Variants in DOCK2 observed in about 807,000 individuals in gnomAD.
DOCK2 encodes dedicator of cytokinesis protein 2.
In DOCK2, 87 loss-of-function variants were observed where a neutral mutation model predicts 248.9. That is an observed-to-expected ratio of 0.35 (90% CI 0.29 to 0.42). The LOEUF (loss-of-function observed/expected upper bound fraction) is 0.42. Ranked by LOEUF, DOCK2 falls within the 10% of genes least tolerant of loss-of-function variation. DOCK2 has a pLI of 1.00. For missense variants in DOCK2, 1,747 were observed against 2,300.2 expected (o/e 0.76, Z 4.92); for synonymous variants, 805 against 821.6 (o/e 0.98, Z 0.35).
chr5:169,789,616 A>G (rs1766200789), intron 25 of DOCK2, among the ~76,000 whole-genome samples: 1 of 152,206 alleles, frequency 6.6e-6, no homozygotes, highest in South Asian at 2.1e-4. Flanking sequence ...TTATTGCTGT[A>G]GAGTCCAAGC....
intron 25 of DOCK2, among the ~76,000 whole-genome samples, chr5:169,788,061 T>C (rs567475556): frequency 6.6e-6 from 1 of 152,344 alleles, no homozygotes; most frequent in East Asian, 1.9e-4. Context: ...CATCTCGTTT[T>C]GAGTGTCTTA....
At chr5:170,040,430 A>G (rs886929904) in intron 36 of DOCK2, among the ~76,000 whole-genome samples, 2 of 152,186 alleles carry the variant, frequency 1.3e-5, no homozygotes, top group African/African-American at 4.8e-5. Context: ...AACTCTTCCT[A>G]CTGACAGCTC....
intron 22 of DOCK2, among the ~76,000 whole-genome samples, chr5:169,729,405 T>C (rs1308542900): frequency 1.3e-5 from 2 of 152,148 alleles, no homozygotes. Context: ...GGAAGGAAGA[T>C]TGAAAAGGAC....
chr5:169,661,064 T>C (rs1758421907), intron 2 of DOCK2, among the ~76,000 whole-genome samples: 2 of 152,222 alleles, frequency 1.3e-5, no homozygotes, highest in Non-Finnish European at 2.9e-5. Context: ...TTTTAATTGA[T>C]TTTTTTAGAA....
intron 42 of DOCK2, 169 bp from the exon 43 acceptor site, chr5:170,056,515 G>A: frequency 3.6e-6 from 2 of 551,066 alleles, no homozygotes; most frequent in Non-Finnish European, 6.5e-6. Context: ...CTGTGCAAAA[G>A]TCACTCTTAC....
intron 29 of DOCK2, among the ~76,000 whole-genome samples, chr5:169,992,102 A>G (rs1232210529): frequency 6.6e-6 from 1 of 152,196 alleles, no homozygotes; most frequent in Non-Finnish European, 1.5e-5. Context: ...GTGTAACTTC[A>G]TGTAAATCCT....
intron 2 of DOCK2, among the ~76,000 whole-genome samples, chr5:169,657,260 C>T (rs982637878): frequency 2.0e-5 from 3 of 151,860 alleles, no homozygotes; most frequent in Non-Finnish European, 4.4e-5. Flanking sequence ...TGTTGTCTGC[C>T]TTCAGATGGG....
chr5:169,969,623 G>A (rs1408786728), intron 27 of DOCK2, among the ~76,000 whole-genome samples: 1 of 152,216 alleles, frequency 6.6e-6, no homozygotes. Flanking sequence ...TTCCCTAGAG[G>A]GGAGTGGCGG....
intron 27 of DOCK2, chr5:169,934,905 T>C (rs1193352719): frequency 2.9e-6 from 1 of 340,718 alleles, no homozygotes. Context: ...TTTATTCTGA[T>C]TAAACAACAA....
At chr5:169,884,375 A>G (rs1331442885) in intron 27 of DOCK2, 1 of 153,040 alleles carries the variant, frequency 6.5e-6, no homozygotes, top group African/African-American at 2.4e-5. Flanking sequence ...TTCCCAGAGC[A>G]TTAATTTCCA....
intron 27 of DOCK2, among the ~76,000 whole-genome samples, chr5:169,922,087 C>T (rs760970799): frequency 6.6e-6 from 1 of 152,144 alleles, no homozygotes; most frequent in Non-Finnish European, 1.5e-5. Flanking sequence ...TTCTTTTTAG[C>T]CTTAATGCCA....
intron 27 of DOCK2, among the ~76,000 whole-genome samples, chr5:169,937,955 A>G (rs1776068827): frequency 6.6e-6 from 1 of 152,178 alleles, no homozygotes; most frequent in Non-Finnish European, 1.5e-5. Flanking sequence ...GTGTAACAGG[A>G]GGTGGACATC....
intron 26 of DOCK2, among the ~76,000 whole-genome samples, chr5:169,807,432 C>T (rs1270106238): frequency 6.6e-6 from 1 of 152,142 alleles, no homozygotes; most frequent in Non-Finnish European, 1.5e-5. Context: ...TCTAATATGA[C>T]CTGTCTTTTT....
intron 26 of DOCK2, among the ~76,000 whole-genome samples, chr5:169,819,481 C>CATGG (rs1768283965): frequency 6.6e-6 from 1 of 152,080 alleles, no homozygotes; most frequent in Non-Finnish European, 1.5e-5. Context: ...ATTAGCTGGT[C>CATGG]ATGGTAGCAT....
intron 26 of DOCK2, among the ~76,000 whole-genome samples, chr5:169,823,345 G>A (rs867888735): frequency 2.0e-4 from 30 of 152,278 alleles, no homozygotes; most frequent in Middle Eastern, 6.8e-3. Context: ...CAATATCCCT[G>A]ATGAACATCA....
At chr5:169,741,166 G>C (rs968772867) in intron 22 of DOCK2, among the ~76,000 whole-genome samples, 4 of 152,194 alleles carry the variant, frequency 2.6e-5, no homozygotes, top group African/African-American at 9.6e-5. Context: ...CTCAGATTCT[G>C]TGTCTTTGCA....
chr5:169,943,170 G>A (rs933405169), intron 27 of DOCK2, among the ~76,000 whole-genome samples: 2 of 152,152 alleles, frequency 1.3e-5, no homozygotes, highest in East Asian at 1.9e-4. Flanking sequence ...TAAAGTACCC[G>A]TGTGAAGTTG....
Position 170,050,367 on chromosome 5 carries a change from G to A in DOCK2, c.4183G>A (p.Gly1395Arg), listed in dbSNP as rs201799740. Residue 1395 changes from glycine to arginine, a missense_variant, in exon 41 of 52, where the codon GGA (glycine) becomes AGA (arginine). Physicochemically the swap from Gly to Arg is moderately radical, Grantham distance 125. Coordinates refer to ENST00000520908, the MANE Select transcript of DOCK2 (RefSeq NM_004946.3). ...GAAGATGAACACCACCTCTGCCCCGGGAGATGATGTGAAGAATGCCCCAGG... is the reference window on the plus strand; with the variant it reads ...GAAGATGAACACCACCTCTGCCCCGAGAGATGATGTGAAGAATGCCCCAGG... Reference protein sequence around the residue: ...AEKMNTTSAPGDDVKNAPGQY... With the variant: ...AEKMNTTSAPRDDVKNAPGQY... The A allele has an allele frequency of 6.2e-7, 1 of 1,614,124 alleles. No individual in the cohort carries two copies. The highest frequency in any genetic ancestry group is 2.2e-5 in the East Asian group (1 of 44,882).
intron 26 of DOCK2, among the ~76,000 whole-genome samples, chr5:169,833,622 T>G (rs892269939): frequency 6.6e-6 from 1 of 152,092 alleles, no homozygotes; most frequent in Non-Finnish European, 1.5e-5. Flanking sequence ...TTATTGAAGG[T>G]GTATTCAATA....
Sources: gnomAD v4.1 joint callset for allele counts (sites outside exome capture counted in the v4.1 genomes callset) on GRCh38, gnomAD v4.1.1 for gene constraint, MANE v1.5 for transcripts, NCBI Gene and HGNC (gene_info 2026-07-23, HGNC 2026-07-21) for gene names.